UMODL1: variants seen among roughly 807,000 people sequenced by gnomAD.
The protein encoded by UMODL1 is uromodulin-like 1.
A neutral mutation model predicts 136.3 loss-of-function variants in UMODL1; 128 were observed. That is an observed-to-expected ratio of 0.94 (90% CI 0.81 to 1.09). UMODL1 has a LOEUF of 1.09. Ranked by LOEUF, UMODL1 falls within the 50% of genes least tolerant of loss-of-function variation. The pLI is 0.00. For synonymous variants in UMODL1, 721 were observed against 720.0 expected, an observed-to-expected ratio of 1.00 and a Z score of -0.02; for missense variants, 1,766 against 1,725.6, an observed-to-expected ratio of 1.02 and a Z score of -0.41.
chr21:42,104,491 C>T (rs531583525), intron 9 of UMODL1, among the ~76,000 whole-genome samples: 5 of 151,638 alleles, frequency 3.3e-5, no homozygotes, highest in African/African-American at 1.2e-4. Context: ...CTCTTGTTGC[C>T]CAGGCTGGAG....
rs76111324 is a variant in UMODL1 at position 42,084,798 on chromosome 21, A to G, written c.482-493A>G. Among the ~76,000 whole-genome samples the G allele has an allele frequency of 2.7e-3, 366 of 136,802 alleles. 15 individuals carry two copies. The East Asian group carries it at 0.07, about 26-fold the overall frequency. 89.7% of individuals were successfully genotyped at this position (136,802 alleles called of 152,430 possible). A position where few individuals can be genotyped will look rare whatever the true frequency, so the allele number is the denominator to read the frequency against. ...TTATAGCGTTAGTATGGTATGCAGTAATAAAGCAATAGTATACATAATATC... is the reference window on the plus strand; with the variant it reads ...TTATAGCGTTAGTATGGTATGCAGTGATAAAGCAATAGTATACATAATATC... On this transcript the variant is annotated intron_variant, in intron 3 of 22. Coordinates refer to ENST00000408910, the MANE Select transcript of UMODL1 (RefSeq NM_001004416.3).
chr21:42,085,198 T>C lies in UMODL1; in HGVS notation c.482-93T>C. ...GCAGAGCAGGGCCTCTCATGGCCTC[T>C]GGTTCCCTCTCCTGCCCCCTCTCCC... On this transcript the variant is annotated intron_variant, in intron 3 of 22. Coordinates refer to ENST00000408910, the MANE Select transcript of UMODL1 (RefSeq NM_001004416.3). The surrounding 1 kb of genome is among the most constrained non-coding windows in gnomAD (Gnocchi z 4.5). 2 of 1,505,902 alleles carry C rather than the reference T, an allele frequency of 1.3e-6. No homozygotes were observed. The highest frequency in any genetic ancestry group is 2.6e-5 in the South Asian group (2 of 77,868). 93.3% of individuals were successfully genotyped at this position (1,505,902 alleles called of 1,614,324 possible).
intron 4 of UMODL1, among the ~76,000 whole-genome samples, chr21:42,086,176 C>T (rs753037998): frequency 8.5e-5 from 13 of 152,226 alleles, no homozygotes; most frequent in Non-Finnish European, 1.3e-4. Flanking sequence ...GCTTCAGGAC[C>T]GGCTGCTGAC....
At chr21:42,109,800 A>G (rs912508122) in intron 10 of UMODL1, 101 bp downstream of exon 10, 10 of 1,326,424 alleles carry the variant, frequency 7.5e-6, no homozygotes, top group African/African-American at 5.9e-5. Flanking sequence ...CTGAGGACCT[A>G]TGGTAATGTT....
At chr21:42,124,358 C>T (rs796204740) in intron 17 of UMODL1, among the ~76,000 whole-genome samples, 15 of 152,130 alleles carry the variant, frequency 9.9e-5, no homozygotes, top group South Asian at 2.1e-4. Context: ...GAGCCCGTGC[C>T]GGCTCTGGGT....
chr21:42,109,612 T>A lies in UMODL1; in HGVS notation c.1570T>A (p.Trp524Arg). 1 of 1,611,300 alleles carries A rather than the reference T, an allele frequency of 6.2e-7. No homozygotes were observed. Among genetic ancestry groups the A allele is most frequent in the Non-Finnish European group, 8.5e-7 (1 of 1,180,016 alleles). The change falls in exon 10 of 23, where the codon TGG becomes AGG. Residue 524 changes from tryptophan to arginine, a missense_variant. By Grantham distance (101) the Trp-to-Arg change is moderately radical. Coordinates refer to ENST00000408910, the MANE Select transcript of UMODL1 (RefSeq NM_001004416.3). ...SAEHDCSPAA[W>R]CINLEGSYTC... ...GGAACACGACTGCTCACCGGCTGCC[T>A]GGTGCATCAACCTGGAGGGCTCCTA...
chr21:42,096,981 G>A (rs745899940), intron 6 of UMODL1, among the ~76,000 whole-genome samples: 1 of 152,206 alleles, frequency 6.6e-6, no homozygotes, highest in Admixed American at 6.5e-5. Flanking sequence ...GGCAGTGAGT[G>A]GGGGGTCTTT....
At chr21:42,112,125 C>G (rs1335524782) in intron 12 of UMODL1, among the ~76,000 whole-genome samples, 1 of 151,562 alleles carries the variant, frequency 6.6e-6, no homozygotes, top group East Asian at 1.9e-4. Context: ...CAACTCTGCA[C>G]CCTCCCAGTA....
chr21:42,117,657 A>AC (rs1268160333), intron 14 of UMODL1, among the ~76,000 whole-genome samples: 1 of 152,034 alleles, frequency 6.6e-6, no homozygotes, highest in Non-Finnish European at 1.5e-5. Flanking sequence ...AGGGCTGCAA[A>AC]CCCCAGCGCT....
intron 1 of UMODL1, among the ~76,000 whole-genome samples, chr21:42,071,852 C>T (rs1051260967): frequency 1.1e-4 from 16 of 149,988 alleles, no homozygotes; most frequent in African/African-American, 3.9e-4. Flanking sequence ...GGAGACCTAG[C>T]CTGGGCAACA....
chr21:42,108,118 G>T (rs2066749000), intron 9 of UMODL1, among the ~76,000 whole-genome samples: 1 of 152,210 alleles, frequency 6.6e-6, no homozygotes, highest in Admixed American at 6.5e-5. Flanking sequence ...GCTCGCTTGG[G>T]AGCTGTCTGG....
chr21:42,095,089 G>GTTTTTTTTTTTTTATT (rs2066539664), intron 6 of UMODL1, among the ~76,000 whole-genome samples: 1 of 61,186 alleles, frequency 1.6e-5, no homozygotes, highest in African/African-American at 6.3e-5. Flanking sequence ...TTCTTCTGCT[G>GTTTTTTTTTTTTTATT]TTTTTTTTTT....
rs371414815 is a variant in UMODL1, at chr21:42,122,931, C to T, written c.2928C>T (p.Pro976=). 1 of 1,613,984 alleles carries T rather than the reference C, an allele frequency of 6.2e-7. No individual in the cohort carries two copies. Among genetic ancestry groups the T allele is most frequent in the Non-Finnish European group, 8.5e-7 (1 of 1,180,044 alleles). ...TTGTGCAAGGCACCAGCCCCACCCC[C>T]CAAGGCCTGCCCCAGCGGCTGAACC... ...AAFVQGTSPT[P]QGLPQRLNLT... Residue 976 remains proline (P), a synonymous_variant, in exon 17 of 23, where the codon CCC becomes CCT. Transcript: ENST00000408910. This position sits in a 1 kb window ranked among gnomAD's most constrained non-coding sequence, Gnocchi z 4.3.
chr21:42,111,218 G>A lies in UMODL1; in HGVS notation c.1899+97G>A, dbSNP rs779379708. 114 of 1,525,976 alleles carry A rather than the reference G, an allele frequency of 7.5e-5. No individual in the cohort carries two copies. The highest frequency in any genetic ancestry group is 9.4e-5 in the Non-Finnish European group (107 of 1,136,798). The allele number at this position is 1,525,976 out of a possible 1,614,324, so 94.5% of individuals were successfully genotyped here. A position where few individuals can be genotyped will look rare whatever the true frequency, so the allele number is the denominator to read the frequency against. On this transcript the variant is annotated intron_variant, in intron 11 of 22. Transcript: ENST00000408910. The stretch of plus-strand genomic sequence containing the variant: ...CCCCAGCCAGGGGAGCCTCAGACAG[G>A]AGAGTACCAGCCAGGCGAGCCCCAG...
chr21:42,102,451 C>T lies in UMODL1; in HGVS notation c.1299+173C>T, dbSNP rs181988239. 2.9e-4 allele frequency: 148 copies of T among 511,890 alleles called. No homozygotes were observed. The East Asian group carries it at 3.4e-3, about 12-fold the overall frequency. The allele number at this position is 511,890 out of a possible 1,614,324, so 31.7% of individuals were successfully genotyped here. On this transcript the variant is annotated intron_variant, in intron 8 of 22. Transcript: ENST00000408910. ...CGCACAGTGATTAGTCAAAAGCTTT[C>T]CCCCTGCTTTTATGGGGTACTTAAT... is the stretch of plus-strand genomic sequence containing the variant.
Position 42,083,653 on chromosome 21 carries a change from T to G in UMODL1, c.320-431T>G, listed in dbSNP as rs371403562. ...TCTCCTTGCACTATTGTTCCCCCAC[T>G]GGAATATAAGTTCCCTGAAGGCTGG... On this transcript the variant is annotated intron_variant, in intron 2 of 22. Transcript: ENST00000408910. 1.1e-4 allele frequency among the ~76,000 whole-genome samples: 16 copies of G among 152,320 alleles called. No individual in the cohort carries two copies. The South Asian group carries it at 3.3e-3, about 32-fold the overall frequency.
At chr21:42,079,339 T>C (rs1454160652) in intron 2 of UMODL1, among the ~76,000 whole-genome samples, 2 of 152,160 alleles carry the variant, frequency 1.3e-5, no homozygotes, top group Non-Finnish European at 1.5e-5. Context: ...AAGCGCCTCT[T>C]GTTGGAATCA....
At chr21:42,134,226 C>T (rs914777458) in intron 21 of UMODL1, among the ~76,000 whole-genome samples, 9 of 152,216 alleles carry the variant, frequency 5.9e-5, no homozygotes, top group African/African-American at 9.6e-5. Flanking sequence ...GTTCACAGTT[C>T]AACACATAGG....
chr21:42,132,835 A>G (rs796476185), intron 21 of UMODL1, among the ~76,000 whole-genome samples: 24 of 152,344 alleles, frequency 1.6e-4, no homozygotes, highest in African/African-American at 5.5e-4. Flanking sequence ...TGCATGCTGC[A>G]TATGAATTGT....
Sources: gnomAD v4.1 joint callset for allele counts (sites outside exome capture counted in the v4.1 genomes callset) on GRCh38, gnomAD v4.1.1 for gene constraint, Gnocchi (gnomAD v3.1) non-coding constraint, MANE v1.5 for transcripts, NCBI Gene and HGNC (gene_info 2026-07-23, HGNC 2026-07-21) for gene names.